Variants in CIBAR2 observed in about 807,000 individuals in gnomAD.
The protein encoded by CIBAR2 is CBY1 interacting BAR domain containing 2.
Under a neutral mutation model 36.2 loss-of-function variants are expected in CIBAR2, and 38 were observed. The ratio of observed to expected loss-of-function variants is 1.05; its 90% CI spans 0.81 to 1.38. The LOEUF (loss-of-function observed/expected upper bound fraction) is 1.38, where lower values mean the gene tolerates loss of function less well. Among genes scored for constraint, CIBAR2 ranks in the 40% most tolerant of loss-of-function variants. The probability of loss-of-function intolerance (pLI) is 0.00; values close to 1 mark genes in which losing one functional copy is unlikely to be tolerated. For synonymous variants in CIBAR2, 182 were observed against 149.5 expected (o/e 1.22, Z -1.58); for missense variants, 481 against 383.4 (o/e 1.25, Z -2.13).
chr16:85,110,943 G>A (rs1013344860), intron 1 of CIBAR2, among the ~76,000 whole-genome samples: 6 of 152,072 alleles, frequency 3.9e-5, no homozygotes, highest in Admixed American at 3.9e-4. Context: ...GACCTCAGGT[G>A]ATCTGCCTGC....
At chr16:85,112,241 C>T (rs1040381740) in intron 1 of CIBAR2, 92 bp downstream of exon 1, 19 of 1,165,134 alleles carry the variant, frequency 1.6e-5, no homozygotes, top group African/African-American at 3.0e-5. Flanking sequence ...CCCCAAGCAG[C>T]AGGCCCTGCT....
At chr16:85,107,508 C>T (rs770959567) in intron 5 of CIBAR2, among the ~76,000 whole-genome samples, 159 bp downstream of exon 5, 4 of 152,204 alleles carry the variant, frequency 2.6e-5, no homozygotes, top group Admixed American at 6.5e-5. Flanking sequence ...TCCAGACCCC[C>T]AGAGCCCCTT....
rs371042776 is a variant in CIBAR2, at chr16:85,112,431, G to A, written c.-79C>T. On this transcript the variant is annotated 5_prime_UTR_variant, in exon 1 of 9. Transcript: ENST00000539556. ...GGGTCCTGCAGGCCTGGGAGGAGCC[G>A]GGCAGGGCTGGGTGCAGCTGTGTGG... 898 of 1,409,806 alleles carry A rather than the reference G, an allele frequency of 6.4e-4. 6 individuals carry two copies. In the African/African-American group the frequency reaches 0.011, roughly 17 times the overall value. 87.3% of individuals were successfully genotyped at this position (1,409,806 alleles called of 1,614,324 possible).
chr16:85,108,182 C>A lies in CIBAR2; in HGVS notation c.256-83G>T, dbSNP rs1013960825. ...GGGCATATAAAGCAGAGCCGGCACC[C>A]GGGAGCCGCGTGTCCAGAGCTGTGC... On this transcript the variant is annotated intron_variant, in intron 2 of 8. Transcript: ENST00000539556. 6.1e-6 allele frequency: 8 copies of A among 1,312,036 alleles called. No homozygotes were observed. In the African/African-American group the frequency reaches 1.0e-4, roughly 17 times the overall value. The allele number at this position is 1,312,036 out of a possible 1,614,324, so 81.3% of individuals were successfully genotyped here.
chr16:85,099,470 C>T (rs1208346035), intron 8 of CIBAR2, 124 bp from the exon 9 acceptor site: 9 of 655,902 alleles, frequency 1.4e-5, no homozygotes, highest in African/African-American at 9.1e-5. Flanking sequence ...CGCGGGCCCA[C>T]GGGCTGGGAT....
chr16:85,109,136 C>T (rs567658822), intron 2 of CIBAR2, among the ~76,000 whole-genome samples: 3 of 152,102 alleles, frequency 2.0e-5, no homozygotes, highest in Non-Finnish European at 2.9e-5. Context: ...CTAGGCCAGG[C>T]ATGGTGGCTC....
At chr16:85,104,383 G>A (rs541783710) in intron 6 of CIBAR2, among the ~76,000 whole-genome samples, 1 of 152,338 alleles carries the variant, frequency 6.6e-6, no homozygotes, top group African/African-American at 2.4e-5. Context: ...AGGGTGCTCA[G>A]CCCAGCGATG....
chr16:85,099,209 G>A lies in CIBAR2; in HGVS notation c.891C>T (p.Leu297=), dbSNP rs754505075. ...AHCVCGQGGH[L]MLPGHSL is the part of the protein sequence containing the mutation. ...GTTAGAGAGAATGTCCTGGAAGCAT[G>A]AGATGCCCACCCTGCCCACACACAC... Residue 297 remains leucine, a synonymous_variant, in exon 9 of 9, where the codon CTC becomes CTT. Transcript: ENST00000539556. 29 of 1,597,884 alleles carry A rather than the reference G, an allele frequency of 1.8e-5. No individual in the cohort carries two copies. Among genetic ancestry groups the A allele is most frequent in the Non-Finnish European group, 2.3e-5 (27 of 1,173,054 alleles).
intron 1 of CIBAR2, 96 bp from the exon 2 acceptor site, chr16:85,110,556 A>G (rs2074034000): frequency 4.3e-6 from 4 of 921,966 alleles, no homozygotes; most frequent in Non-Finnish European, 4.8e-6. Context: ...AGGAGCTGCC[A>G]CCAGCCGGCC....
intron 4 of CIBAR2, 54 bp downstream of exon 4, chr16:85,107,792 G>T: frequency 6.3e-7 from 1 of 1,578,128 alleles, no homozygotes; most frequent in Non-Finnish European, 8.7e-7. Context: ...AGACATCAGT[G>T]TGAGTGGACA....
Position 85,108,039 on chromosome 16 carries a change from G to T in CIBAR2, c.316C>A (p.Gln106Lys), listed in dbSNP as rs144351372. The change falls in exon 3 of 9, where the codon CAG becomes AAG. Residue 106 changes from glutamine to lysine, a missense_variant. Transcript: ENST00000539556. ...PLKLYGAQIK[Q>K]TRAEIKKFKH... ...GAGGTGCCCCGGCTCACCCGTGTCTGCTTGATCTGTGCCCCGTAGAGCTTC... is the reference window on the plus strand; with the variant it reads ...GAGGTGCCCCGGCTCACCCGTGTCTTCTTGATCTGTGCCCCGTAGAGCTTC... 2 of 1,613,844 alleles carry T rather than the reference G, an allele frequency of 1.2e-6. No individual in the cohort carries two copies. The highest frequency in any genetic ancestry group is 3.3e-5 in the Admixed American group (2 of 60,014).
intron 1 of CIBAR2, among the ~76,000 whole-genome samples, chr16:85,111,253 C>A (rs1176626841): frequency 6.6e-6 from 1 of 152,176 alleles, no homozygotes; most frequent in African/African-American, 2.4e-5. Flanking sequence ...AGCCCTCTGT[C>A]CCGACAGACC....
chr16:85,107,696 C>T (rs1461277965), intron 4 of CIBAR2, 24 bp from the exon 5 acceptor site: 1 of 1,613,952 alleles, frequency 6.2e-7, no homozygotes, highest in Non-Finnish European at 8.5e-7. Context: ...TGTTAAGGAA[C>T]CAAGTTAAGC....
chr16:85,110,582 A>T (rs2074034292), intron 1 of CIBAR2, 122 bp from the exon 2 acceptor site: 1 of 660,988 alleles, frequency 1.5e-6, no homozygotes, highest in Middle Eastern at 2.8e-4. Flanking sequence ...TGTGGCACGC[A>T]CATGCCACAG....
chr16:85,104,620 G>A (rs924469645), intron 6 of CIBAR2, among the ~76,000 whole-genome samples: 1 of 152,168 alleles, frequency 6.6e-6, no homozygotes, highest in Non-Finnish European at 1.5e-5. Flanking sequence ...GGAGGCTGAG[G>A]CAGGAGAATC....
intron 5 of CIBAR2, among the ~76,000 whole-genome samples, chr16:85,106,356 T>C (rs2073995872): frequency 6.6e-6 from 1 of 152,138 alleles, no homozygotes; most frequent in African/African-American, 2.4e-5. Flanking sequence ...TCCTAATCCC[T>C]GGCACCTGTC....
Position 85,110,386 on chromosome 16 carries a change from A to G in CIBAR2, c.95T>C (p.Leu32Pro), listed in dbSNP as rs773751395. 4.3e-6 allele frequency: 7 copies of G among 1,613,462 alleles called. No homozygotes were observed. The highest frequency in any genetic ancestry group is 3.3e-4 in the Middle Eastern group (2 of 6,062). The change falls in exon 2 of 9, where the codon CTG becomes CCG. Residue 32 changes from leucine (L) to proline (P), a missense_variant. Transcript: ENST00000539556. The stretch of plus-strand genomic sequence containing the variant: ...GGCCGTCTTGCGCGTGTAGGCGGCC[A>G]GCAGCGAGCAGAACTGCCCAAAGTA... Reference protein sequence around the residue: ...EKYFGQFCSLLAAYTRKTARL... With the variant: ...EKYFGQFCSLPAAYTRKTARL...
At position 85,105,368 on chromosome 16, in the gene CIBAR2, T is replaced by C. The variant is rs200908171; in HGVS notation, c.496A>G (p.Thr166Ala). The change falls in exon 6 of 9, where the codon ACT (threonine) becomes GCT (alanine). Residue 166 changes from threonine (T) to alanine (A), a missense_variant. Coordinates refer to ENST00000539556, the MANE Select transcript of CIBAR2 (RefSeq NM_198491.3). ...TTCTGCCTCTGGAAGCCATCCACAG[T>C]CTCCTCCAGCTGGAGGGTGGTGCGG... ...SSRTTLQLEE[T>A]VDGFQRQKLK... 1.4e-5 allele frequency: 22 copies of C among 1,613,722 alleles called. No individual in the cohort carries two copies. Among genetic ancestry groups the C allele is most frequent in the Non-Finnish European group, 1.8e-5 (21 of 1,179,934 alleles).
At chr16:85,106,761 G>T (rs1337582130) in intron 5 of CIBAR2, among the ~76,000 whole-genome samples, 1 of 152,224 alleles carries the variant, frequency 6.6e-6, no homozygotes, top group African/African-American at 2.4e-5. Flanking sequence ...ACAACAGTGG[G>T]AAGAACTTAA....
Sources: gnomAD v4.1 joint callset for allele counts (sites outside exome capture counted in the v4.1 genomes callset) on GRCh38, gnomAD v4.1.1 for gene constraint, MANE v1.5 for transcripts, NCBI Gene and HGNC (gene_info 2026-07-23, HGNC 2026-07-21) for gene names.